Variants in CNOT4 observed in about 807,000 individuals in gnomAD.
The protein encoded by CNOT4 is CCR4-associated factor 4.
A neutral mutation model predicts 73.8 loss-of-function variants in CNOT4; 8 were observed. That is an observed-to-expected ratio of 0.11 (90% CI 0.06 to 0.20). The LOEUF is 0.20. CNOT4 is among the 10% of genes least tolerant of loss of function. The pLI, the probability that CNOT4 is intolerant of heterozygous loss-of-function variation, is 1.00. For synonymous variants in CNOT4, 293 were observed against 321.1 expected (o/e 0.91, Z 0.94); for missense variants, 564 against 883.4 (o/e 0.64, Z 4.58).
At chr7:135,392,303 CTTT>C (rs1221003486) in intron 10 of CNOT4, among the ~76,000 whole-genome samples, 1 of 152,076 alleles carries the variant, frequency 6.6e-6, no homozygotes, top group African/African-American at 2.4e-5. Context: ...TCTTAAACTT[CTTT>C]AATATGTCCC....
chr7:135,494,470 C>CAA (rs34284664), intron 1 of CNOT4, among the ~76,000 whole-genome samples: 37 of 72,988 alleles, frequency 5.1e-4, no homozygotes, highest in African/African-American at 7.4e-4. Flanking sequence ...AATTCCGTCT[C>CAA]AAAAAAAAAA....
intron 1 of CNOT4, among the ~76,000 whole-genome samples, chr7:135,476,402 C>T (rs1443773506): frequency 6.6e-6 from 1 of 152,148 alleles, no homozygotes; most frequent in African/African-American, 2.4e-5. Flanking sequence ...TTTTACGTCC[C>T]TGTCTTATTT....
At chr7:135,430,820 C>T (rs573220146) in intron 2 of CNOT4, among the ~76,000 whole-genome samples, 2 of 152,178 alleles carry the variant, frequency 1.3e-5, no homozygotes, top group African/African-American at 4.8e-5. Flanking sequence ...AAAGACCAGA[C>T]CAAAAAATGC....
chr7:135,393,253 T>A (rs892288170), intron 10 of CNOT4, among the ~76,000 whole-genome samples: 5 of 152,218 alleles, frequency 3.3e-5, no homozygotes, highest in Admixed American at 1.3e-4. Context: ...TATTTTGGCA[T>A]CAAACTTACA....
At chr7:135,478,352 T>C (rs1202931752) in intron 1 of CNOT4, among the ~76,000 whole-genome samples, 1 of 152,240 alleles carries the variant, frequency 6.6e-6, no homozygotes, top group African/African-American at 2.4e-5. Context: ...TAATAATTAC[T>C]GGTTGTGAAA....
chr7:135,431,052 G>A (rs182238278), intron 2 of CNOT4, among the ~76,000 whole-genome samples: 5 of 152,228 alleles, frequency 3.3e-5, no homozygotes, highest in Admixed American at 3.3e-4. Flanking sequence ...GATGCTTGAG[G>A]CCAGGAGTTC....
chr7:135,409,565 A>G (rs1180845311), intron 7 of CNOT4, among the ~76,000 whole-genome samples: 1 of 152,144 alleles, frequency 6.6e-6, no homozygotes, highest in Non-Finnish European at 1.5e-5. Flanking sequence ...TAATCCATGT[A>G]GTTATTATTA....
chr7:135,505,321 A>G (rs943624442), intron 1 of CNOT4, among the ~76,000 whole-genome samples: 4 of 152,116 alleles, frequency 2.6e-5, no homozygotes, highest in Non-Finnish European at 4.4e-5. Context: ...TTGGGAGGCT[A>G]AGGCGGGCAG....
chr7:135,375,211 C>T (rs1214968541), intron 10 of CNOT4, among the ~76,000 whole-genome samples: 40 of 152,096 alleles, frequency 2.6e-4, no homozygotes, highest in Admixed American at 2.5e-3. Flanking sequence ...AGAAAGGCAA[C>T]GTCAAGTCAA....
chr7:135,472,514 A>AATATAT (rs1249555091), intron 1 of CNOT4, among the ~76,000 whole-genome samples: 312 of 19,784 alleles, frequency 0.016, no homozygotes, highest in Middle Eastern at 0.045. Flanking sequence ...AAAAAAAAAA[A>AATATAT]ATATATATAT....
chr7:135,413,338 C>T, intron 6 of CNOT4, 150 bp downstream of exon 6: 1 of 815,770 alleles, frequency 1.2e-6, no homozygotes, highest in Non-Finnish European at 1.9e-6. Flanking sequence ...AACTGACCTT[C>T]CATTAAACAC....
chr7:135,485,165 C>T (rs555527454), intron 1 of CNOT4, among the ~76,000 whole-genome samples: 142 of 152,196 alleles, frequency 9.3e-4, no homozygotes, highest in Non-Finnish European at 1.9e-3. Flanking sequence ...CTCTGCCTCC[C>T]GGATTCAAGC....
intron 10 of CNOT4, chr7:135,388,155 C>G: frequency 2.0e-6 from 2 of 985,228 alleles, no homozygotes; most frequent in Non-Finnish European, 2.4e-6. Flanking sequence ...CAATAATTAT[C>G]TTTTAACCAT....
rs374170710 is a variant in CNOT4, at chr7:135,423,332, G to C, written c.175-979C>G. Reference sequence around the variant, plus strand: ...AATTGGCACCTATCAGAATACAAGAGTGGGGAACAACAGAAATAATGCCAA... The same window carrying C: ...AATTGGCACCTATCAGAATACAAGACTGGGGAACAACAGAAATAATGCCAA... On this transcript the variant is annotated intron_variant, in intron 2 of 11. Transcript: ENST00000541284. Among the ~76,000 whole-genome samples the C allele has an allele frequency of 2.0e-4, 30 of 150,722 alleles. No homozygotes were observed. In the East Asian group the frequency reaches 3.5e-3, roughly 18 times the overall value.
intron 1 of CNOT4, among the ~76,000 whole-genome samples, chr7:135,471,122 G>A (rs1017533021): frequency 3.9e-5 from 6 of 152,144 alleles, no homozygotes; most frequent in African/African-American, 1.4e-4. Context: ...GCACCCAACA[G>A]TGGGTTGAGG....
At chr7:135,470,349 C>A (rs1232793384) in intron 1 of CNOT4, among the ~76,000 whole-genome samples, 1 of 151,108 alleles carries the variant, frequency 6.6e-6, no homozygotes, top group Non-Finnish European at 1.5e-5. Flanking sequence ...ACAGGCTGGT[C>A]TCAAACTCCT....
chr7:135,363,212 G>A lies in CNOT4; in HGVS notation c.1841-26C>T, dbSNP rs3750067. On this transcript the variant is annotated intron_variant, in intron 11 of 11. Coordinates refer to ENST00000541284, the MANE Select transcript of CNOT4 (RefSeq NM_001190850.2). The surrounding 1 kb of genome is among the most constrained non-coding windows in gnomAD (Gnocchi z 4.3). ...CTAAGGAGAGAAAAGAAAAAAGAGG[G>A]AAAATGGTGAGTTTGTGTGGAAAGA... The A allele has an allele frequency of 0.1, 163,704 of 1,604,796 alleles. 9,148 individuals carry two copies. The highest frequency in any genetic ancestry group is 0.17 in the East Asian group (7,543 of 44,856).
At chr7:135,381,844 G>A (rs771707022) in intron 10 of CNOT4, among the ~76,000 whole-genome samples, 5 of 152,208 alleles carry the variant, frequency 3.3e-5, no homozygotes, top group African/African-American at 7.2e-5. Context: ...TAAATTATAT[G>A]AGGGGAAAAA....
chr7:135,430,533 T>A (rs532967933), intron 2 of CNOT4, among the ~76,000 whole-genome samples: 2 of 152,120 alleles, frequency 1.3e-5, no homozygotes, highest in Non-Finnish European at 2.9e-5. Flanking sequence ...TAGTCCCAGC[T>A]ACTTGGTAGG....
Sources: gnomAD v4.1 joint callset for allele counts (sites outside exome capture counted in the v4.1 genomes callset) on GRCh38, gnomAD v4.1.1 for gene constraint, Gnocchi (gnomAD v3.1) non-coding constraint, MANE v1.5 for transcripts, NCBI Gene and HGNC (gene_info 2026-07-23, HGNC 2026-07-21) for gene names.